Variants in HHIPL2 observed in about 807,000 individuals in gnomAD.
HHIPL2 encodes HHIP-like protein 2.
A neutral mutation model predicts 61.0 loss-of-function variants in HHIPL2; 61 were observed. The observed-to-expected ratio is 1.00, with a 90% confidence interval of 0.81 to 1.24. The LOEUF (loss-of-function observed/expected upper bound fraction) is 1.24. Ranked by LOEUF, HHIPL2 falls within the 50% of genes most tolerant of loss-of-function variation. The pLI is 0.00. For synonymous variants in HHIPL2, 343 were observed against 357.4 expected (o/e 0.96, Z 0.45); for missense variants, 885 against 910.2 (o/e 0.97, Z 0.36).
At chr1:222,538,842 G>C in intron 4 of HHIPL2, 68 bp from the exon 5 acceptor site, 1 of 1,567,100 alleles carries the variant, frequency 6.4e-7, no homozygotes, top group Non-Finnish European at 8.7e-7. Flanking sequence ...GAGGAAGAAG[G>C]GGACTTTTTA....
intron 5 of HHIPL2, among the ~76,000 whole-genome samples, chr1:222,536,006 G>C (rs2889933): frequency 6.6e-6 from 1 of 151,760 alleles, no homozygotes; most frequent in Non-Finnish European, 1.5e-5. Flanking sequence ...AGTAGTACTC[G>C]GGGGGAAATT....
chr1:222,545,448 G>T (rs1571779585), intron 1 of HHIPL2, among the ~76,000 whole-genome samples: 1 of 152,148 alleles, frequency 6.6e-6, no homozygotes, highest in African/African-American at 2.4e-5. Flanking sequence ...TCCCCTCGGG[G>T]TGTCTGTTTC....
At chr1:222,538,935 T>C in intron 4 of HHIPL2, 161 bp from the exon 5 acceptor site, 1 of 659,266 alleles carries the variant, frequency 1.5e-6, no homozygotes, top group South Asian at 2.2e-5. Context: ...TGTTTATTGT[T>C]CTCAATAGGC....
chr1:222,527,098 T>G, intron 6 of HHIPL2, 48 bp from the exon 7 acceptor site: 1 of 1,414,894 alleles, frequency 7.1e-7, no homozygotes, highest in Non-Finnish European at 9.9e-7. Context: ...CAGGCAGCAC[T>G]GAGACACAGA....
Position 222,522,715 on chromosome 1 carries a change from T to A in HHIPL2, c.2061A>T (p.Lys687Asn). Residue 687 changes from lysine to asparagine, a missense_variant, in exon 9 of 9, where the codon AAA (lysine) becomes AAT (asparagine). By Grantham distance (94) the Lys-to-Asn change is moderately conservative. Transcript: ENST00000343410. ...NTLRGPGTKK[K>N]ARVGPHVRQG... Reference sequence around the variant, plus strand: ...GGCGGACGTGGGGCCCCACTCTGGCTTTCTTCTTTGTACCAGGCCCTCGCA... The same window carrying A: ...GGCGGACGTGGGGCCCCACTCTGGCATTCTTCTTTGTACCAGGCCCTCGCA... 1 of 1,614,184 alleles carries A rather than the reference T, an allele frequency of 6.2e-7. No individual in the cohort carries two copies. The highest frequency in any genetic ancestry group is 8.5e-7 in the Non-Finnish European group (1 of 1,180,048).
rs1175474449 is a variant in HHIPL2 at position 222,540,169 on chromosome 1, G to A, written c.1291C>T (p.Pro431Ser). Residue 431 changes from proline (P) to serine (S), a missense_variant, in exon 4 of 9, where the codon CCC becomes TCC. Coordinates refer to ENST00000343410, the MANE Select transcript of HHIPL2 (RefSeq NM_024746.4). ...MWRCAVDRGD[P>S]ITRQGRGRIF... Reference sequence around the variant, plus strand: ...CGGCCTCGGCCCTGGCGCGTGATGGGGTCCCCTCGGTCCACAGCACAACGC... The same window carrying A: ...CGGCCTCGGCCCTGGCGCGTGATGGAGTCCCCTCGGTCCACAGCACAACGC... 5.6e-6 allele frequency: 9 copies of A among 1,614,238 alleles called. No homozygotes were observed. The highest frequency in any genetic ancestry group is 7.6e-6 in the Non-Finnish European group (9 of 1,180,048).
At chr1:222,530,714 T>C (rs770391347) in intron 6 of HHIPL2, among the ~76,000 whole-genome samples, 43 of 139,106 alleles carry the variant, frequency 3.1e-4, no homozygotes, top group Non-Finnish European at 5.2e-4. Flanking sequence ...GGTTTATACC[T>C]ATAGAGAATC....
intron 2 of HHIPL2, among the ~76,000 whole-genome samples, chr1:222,543,019 CA>C (rs1558132405): frequency 2.0e-5 from 3 of 152,082 alleles, no homozygotes; most frequent in African/African-American, 4.8e-5. Context: ...GGAAAAGAAA[CA>C]AGAGAGAAAG....
At chr1:222,540,738 C>T (rs112598547) in intron 3 of HHIPL2, among the ~76,000 whole-genome samples, 100 of 152,284 alleles carry the variant, frequency 6.6e-4, no homozygotes, top group Middle Eastern at 3.4e-3. Context: ...TATTTAACAA[C>T]GTGGTCAGTT....
intron 4 of HHIPL2, among the ~76,000 whole-genome samples, chr1:222,539,527 TAAAAAAAAAA>T (rs10537670): frequency 6.3e-4 from 54 of 85,200 alleles, no homozygotes; most frequent in Non-Finnish European, 1.0e-3. Context: ...AGACTCTGTC[TAAAAAAAAAA>T]AAAAAAAAAA....
At chr1:222,542,311 T>C (rs1469583472) in intron 2 of HHIPL2, among the ~76,000 whole-genome samples, 156 bp from the exon 3 acceptor site, 3 of 151,998 alleles carry the variant, frequency 2.0e-5, no homozygotes, top group Non-Finnish European at 2.9e-5. Context: ...GCAAGTAGCT[T>C]TGGGGCTCTG....
chr1:222,541,713 T>C (rs1037966588), intron 3 of HHIPL2, among the ~76,000 whole-genome samples: 2 of 152,108 alleles, frequency 1.3e-5, no homozygotes, highest in African/African-American at 2.4e-5. Context: ...TATTATTGAG[T>C]TGAATTGAAT....
rs1659396738 is a variant in HHIPL2, at chr1:222,540,072, C to A, written c.1388G>T (p.Gly463Val). 6.2e-7 allele frequency: 1 copy of A among 1,614,162 alleles called. No individual in the cohort carries two copies. The highest frequency in any genetic ancestry group is 8.5e-7 in the Non-Finnish European group (1 of 1,180,064). ...VDLILKGGNY[G>V]WRAKEGFACY... is the part of the protein sequence containing the mutation. ...TGCAAACCCTTCCTTTGCTCTCCAG[C>A]CATAGTTTCCACCTTTCAAAATGAG... is the stretch of plus-strand genomic sequence containing the variant. The change falls in exon 4 of 9, where the codon GGC becomes GTC. Residue 463 changes from glycine (G) to valine (V), a missense_variant. Physicochemically the swap from Gly to Val is moderately radical, Grantham distance 109. Coordinates refer to ENST00000343410, the MANE Select transcript of HHIPL2 (RefSeq NM_024746.4).
At chr1:222,538,487 T>A (rs1659354506) in intron 5 of HHIPL2, among the ~76,000 whole-genome samples, 161 bp downstream of exon 5, 1 of 151,948 alleles carries the variant, frequency 6.6e-6, no homozygotes, top group East Asian at 1.9e-4. Flanking sequence ...GTGATGGAAG[T>A]GTTCTGCCTC....
chr1:222,547,739 T>C lies in HHIPL2; in HGVS notation c.306A>G (p.Lys102=), dbSNP rs1659584428. 1 of 1,613,132 alleles carries C rather than the reference T, an allele frequency of 6.2e-7. No homozygotes were observed. Among genetic ancestry groups the C allele is most frequent in the Non-Finnish European group, 8.5e-7 (1 of 1,179,216 alleles). ...KRHELCGDYI[K]DILCQECSPY... is the part of the protein sequence containing the mutation. The stretch of plus-strand genomic sequence containing the variant: ...TTTTCACTACCTGGCAAAGGATGTC[T>C]TTAATGTAATCTCCACACAGCTCAT... Residue 102 remains lysine (K), a synonymous_variant, in exon 1 of 9, where the codon AAA becomes AAG. Transcript: ENST00000343410.
In HHIPL2 at chr1:222,547,879, GA is replaced by G. The variant is rs748698906; in HGVS notation, c.165del (p.Leu56CysfsTer36). The G allele has an allele frequency of 7.9e-4, 1,278 of 1,614,118 alleles. 1 individual carries two copies. The highest frequency in any genetic ancestry group is 1.0e-3 in the Non-Finnish European group (1,214 of 1,179,992). ...TAGTCAGAGCAAAACTCAAGGTGCA[GA>G]GGGGGCTGGAAAGGGGGCCCGTAAT... ...CLDYGPPFQPPLHLEFCSDYE... is the reference protein window; with the variant it reads ...CLDYGPPFQPXLHLEFCSDYE... On this transcript the variant is annotated frameshift_variant, in exon 1 of 9. Transcript: ENST00000343410. LOFTEE classifies it high-confidence loss of function.
At chr1:222,535,493 T>G (rs1030142795) in intron 5 of HHIPL2, among the ~76,000 whole-genome samples, 2 of 152,232 alleles carry the variant, frequency 1.3e-5, no homozygotes, top group Non-Finnish European at 2.9e-5. Flanking sequence ...TTTATAGTTT[T>G]GGTTGCCAGA....
Position 222,522,317 on chromosome 1 carries a change from C to A in HHIPL2, c.*284G>T. 1 of 436,138 alleles carries A rather than the reference C, an allele frequency of 2.3e-6. No homozygotes were observed. Among genetic ancestry groups the A allele is most frequent in the South Asian group, 4.8e-5 (1 of 20,670 alleles). The allele number at this position is 436,138 out of a possible 1,614,324, so 27.0% of individuals were successfully genotyped here. ...GGTTGTAGGCATTTACAAGACAAAA[C>A]GGAGACATCCAGTGTGATTCCAAGC... On this transcript the variant is annotated 3_prime_UTR_variant, in exon 9 of 9. Transcript: ENST00000343410.
intron 7 of HHIPL2, among the ~76,000 whole-genome samples, chr1:222,525,900 G>A (rs1387937894): frequency 6.6e-6 from 1 of 152,106 alleles, no homozygotes; most frequent in Non-Finnish European, 1.5e-5. Flanking sequence ...TTGGGAGGCT[G>A]AGGCACATGA....
Sources: gnomAD v4.1 joint callset for allele counts (sites outside exome capture counted in the v4.1 genomes callset) on GRCh38, gnomAD v4.1.1 for gene constraint, MANE v1.5 for transcripts, NCBI Gene and HGNC (gene_info 2026-07-23, HGNC 2026-07-21) for gene names.